Variants in TMCC1 observed in about 807,000 individuals in gnomAD.
TMCC1 encodes transmembrane and coiled-coil domains protein 1.
A neutral mutation model predicts 52.4 loss-of-function variants in TMCC1; 15 were observed. That is an observed-to-expected ratio of 0.29 (90% confidence interval 0.19 to 0.44). The LOEUF (loss-of-function observed/expected upper bound fraction) is 0.44. TMCC1 is among the 20% of genes least tolerant of loss of function. The pLI, the probability that TMCC1 is intolerant of heterozygous loss-of-function variation, is 1.00. For missense variants in TMCC1, 503 were observed against 806.0 expected (o/e 0.62, Z 4.55); for synonymous variants, 279 against 301.9 (o/e 0.92, Z 0.79).
At chr3:129,808,920 GGAAAA>G (rs1464657072) in intron 4 of TMCC1, among the ~76,000 whole-genome samples, 1 of 22,258 alleles carries the variant, frequency 4.5e-5, no homozygotes. Context: ...TAGATATGCT[GGAAAA>G]AAAAAAAAAA....
At chr3:129,702,173 G>A (rs1270125877) in intron 4 of TMCC1, among the ~76,000 whole-genome samples, 11 of 151,352 alleles carry the variant, frequency 7.3e-5, no homozygotes, top group South Asian at 2.1e-4. Flanking sequence ...AACTTTGTCC[G>A]GAATTATAAC....
Position 129,753,503 on chromosome 3 carries a change from A to G in TMCC1, c.576+74300T>C, listed in dbSNP as rs1273788909. 5.9e-5 allele frequency among the ~76,000 whole-genome samples: 9 copies of G among 152,240 alleles called. 1 individual carries two copies. Among genetic ancestry groups the G allele is most frequent in the Admixed American group, 5.9e-4 (9 of 15,288 alleles). ...ATAAAACGGATAATTAATACATCAC[A>G]ACCAAGTGGGATTCATCCTAGGAAT... On this transcript the variant is annotated intron_variant, in intron 4 of 6. Transcript: ENST00000393238.
At chr3:129,736,202 T>C (rs1251400568) in intron 4 of TMCC1, among the ~76,000 whole-genome samples, 1 of 152,202 alleles carries the variant, frequency 6.6e-6, no homozygotes, top group Non-Finnish European at 1.5e-5. Flanking sequence ...GATGAGCAAG[T>C]GATCACCATG....
intron 4 of TMCC1, among the ~76,000 whole-genome samples, chr3:129,752,622 C>T (rs554943153): frequency 1.4e-4 from 21 of 152,066 alleles, no homozygotes; most frequent in African/African-American, 3.6e-4. Context: ...GCCAAGATCA[C>T]GCCACTGCAC....
At chr3:129,779,892 G>C (rs902739106) in intron 4 of TMCC1, among the ~76,000 whole-genome samples, 4 of 152,128 alleles carry the variant, frequency 2.6e-5, no homozygotes, top group African/African-American at 9.7e-5. Flanking sequence ...CTAGGCAGCA[G>C]TACAAGAGAC....
intron 2 of TMCC1, among the ~76,000 whole-genome samples, chr3:129,839,573 G>A (rs775069050): frequency 1.1e-4 from 17 of 152,002 alleles, no homozygotes; most frequent in Admixed American, 3.3e-4. Flanking sequence ...TAGGCAACAC[G>A]GCAAGACCTC....
chr3:129,804,915 T>C (rs982470564), intron 4 of TMCC1, among the ~76,000 whole-genome samples: 3 of 152,170 alleles, frequency 2.0e-5, no homozygotes, highest in African/African-American at 4.8e-5. Context: ...TGAATTCCTA[T>C]ATTGGACAGA....
At chr3:129,863,951 T>C (rs1029090778) in intron 2 of TMCC1, among the ~76,000 whole-genome samples, 7 of 152,256 alleles carry the variant, frequency 4.6e-5, no homozygotes, top group Non-Finnish European at 1.0e-4. Flanking sequence ...CCAAATGCCA[T>C]GTCCTTGTTC....
At chr3:129,826,482 T>C (rs1241526855) in intron 4 of TMCC1, among the ~76,000 whole-genome samples, 1 of 152,056 alleles carries the variant, frequency 6.6e-6, no homozygotes, top group African/African-American at 2.4e-5. Flanking sequence ...CACCCCAGCC[T>C]AGGTGACAGG....
intron 4 of TMCC1, among the ~76,000 whole-genome samples, chr3:129,798,559 G>C (rs2056997339): frequency 6.8e-6 from 1 of 147,498 alleles, no homozygotes; most frequent in Non-Finnish European, 1.5e-5. Context: ...AAAGGAGACA[G>C]GGGTGTGAAA....
chr3:129,878,295 T>C (rs555874343), intron 2 of TMCC1, among the ~76,000 whole-genome samples: 13 of 152,312 alleles, frequency 8.5e-5, no homozygotes, highest in Middle Eastern at 3.4e-3. Context: ...GCATGTTTAA[T>C]TTATGTCTAA....
chr3:129,709,308 A>G (rs1465232089), intron 4 of TMCC1, among the ~76,000 whole-genome samples: 2 of 151,526 alleles, frequency 1.3e-5, no homozygotes, highest in African/African-American at 2.4e-5. Flanking sequence ...ACAAAAACTT[A>G]AAGAAAAAAA....
Position 129,670,440 on chromosome 3 carries a change from CTGGATCTCA to C in TMCC1, c.1392_1400del (p.His464_Ile466del), listed in dbSNP as rs777393244. ...GTCTGGCCTGGGTTTCCCGGATCTC[CTGGATCTCA>C]TGTAGTAGTGCATCAAATCCTGAGC... is the stretch of plus-strand genomic sequence containing the variant. On this transcript the variant is annotated inframe_deletion, in exon 5 of 7. Transcript: ENST00000393238. The C allele has an allele frequency of 6.8e-6, 11 of 1,614,088 alleles. No individual in the cohort carries two copies. The African/African-American group carries it at 1.5e-4, about 22-fold the overall frequency.
At chr3:129,712,721 G>A (rs1017064038) in intron 4 of TMCC1, among the ~76,000 whole-genome samples, 1 of 152,038 alleles carries the variant, frequency 6.6e-6, no homozygotes, top group African/African-American at 2.4e-5. Context: ...TCAAAATGCT[G>A]GGGTTACAGG....
At chr3:129,675,587 G>A (rs73863693) in intron 4 of TMCC1, among the ~76,000 whole-genome samples, 1 of 152,280 alleles carries the variant, frequency 6.6e-6, no homozygotes, top group African/African-American at 2.4e-5. Flanking sequence ...TCCCGTCCAA[G>A]ATCTTTCCAC....
chr3:129,738,306 GAA>G (rs1278125541), intron 4 of TMCC1, among the ~76,000 whole-genome samples: 2 of 147,370 alleles, frequency 1.4e-5, no homozygotes, highest in Non-Finnish European at 3.0e-5. Flanking sequence ...GAAGAAAAAA[GAA>G]AGAGAGCTTT....
intron 3 of TMCC1, among the ~76,000 whole-genome samples, chr3:129,832,295 T>G (rs2058956602): frequency 1.3e-5 from 2 of 151,566 alleles, no homozygotes; most frequent in Admixed American, 1.3e-4. Context: ...TTATTATAAG[T>G]AAACCAGAGG....
At chr3:129,703,863 T>A (rs2048022942) in intron 4 of TMCC1, among the ~76,000 whole-genome samples, 2 of 152,230 alleles carry the variant, frequency 1.3e-5, no homozygotes, top group South Asian at 4.1e-4. Flanking sequence ...GCTATTAACT[T>A]GCCTTTCATT....
At chr3:129,652,889 T>C (rs1480021380) in intron 6 of TMCC1, among the ~76,000 whole-genome samples, 1 of 152,246 alleles carries the variant, frequency 6.6e-6, no homozygotes, top group African/African-American at 2.4e-5. Context: ...CTCCCTGAAA[T>C]GTATAAAGCC....
Sources: gnomAD v4.1 joint callset for allele counts (sites outside exome capture counted in the v4.1 genomes callset) on GRCh38, gnomAD v4.1.1 for gene constraint, MANE v1.5 for transcripts, NCBI Gene and HGNC (gene_info 2026-07-23, HGNC 2026-07-21) for gene names.